Variants in FBXO5 observed in about 807,000 individuals in gnomAD.
FBXO5 encodes F-box only protein 5.
Under a neutral mutation model 43.3 loss-of-function variants are expected in FBXO5, and 8 were observed. The observed-to-expected ratio is 0.18, with a 90% CI of 0.11 to 0.33. The LOEUF is 0.33. FBXO5 is among the 10% of genes least tolerant of loss of function. The pLI is 1.00. For synonymous variants in FBXO5, 204 were observed against 193.7 expected (o/e 1.05, Z -0.44); for missense variants, 491 against 535.7 (o/e 0.92, Z 0.82).
At chr6:152,978,721 C>T (rs1778213633) in intron 1 of FBXO5, among the ~76,000 whole-genome samples, 1 of 152,124 alleles carries the variant, frequency 6.6e-6, no homozygotes, top group Admixed American at 6.5e-5. Context: ...GGTGCAGTGG[C>T]TCATGCCTAT....
chr6:152,982,869 G>C lies in FBXO5; in HGVS notation c.91C>G (p.Arg31Gly), dbSNP rs747570320. 12 of 1,510,290 alleles carry C rather than the reference G, an allele frequency of 7.9e-6. No individual in the cohort carries two copies. The African/African-American group carries it at 8.7e-5, about 11-fold the overall frequency. 93.6% of individuals were successfully genotyped at this position (1,510,290 alleles called of 1,614,324 possible). ...TCCCCTCACTCACTATCCGAGGGTC[G>C]AGGGCGCCCGGCGGCTGTCACTGCG... ...PSAVTAAGRP[R>G]PSDSCKEESS... Residue 31 changes from arginine to glycine, a missense_variant, in exon 1 of 5, where the codon CGA (arginine) becomes GGA (glycine). Physicochemically the swap from Arg to Gly is moderately radical, Grantham distance 125. Transcript: ENST00000229758.
chr6:152,982,873 G>T lies in FBXO5; in HGVS notation c.87C>A (p.Arg29=). The T allele has an allele frequency of 6.6e-7, 1 of 1,511,210 alleles. No homozygotes were observed. Among genetic ancestry groups the T allele is most frequent in the Non-Finnish European group, 8.8e-7 (1 of 1,136,498 alleles). The allele number at this position is 1,511,210 out of a possible 1,614,324, so 93.6% of individuals were successfully genotyped here. A position where few individuals can be genotyped will look rare whatever the true frequency, so the allele number is the denominator to read the frequency against. Reference sequence around the variant, plus strand: ...CTCACTCACTATCCGAGGGTCGAGGGCGCCCGGCGGCTGTCACTGCGCTGG... The same window carrying T: ...CTCACTCACTATCCGAGGGTCGAGGTCGCCCGGCGGCTGTCACTGCGCTGG... ...ASPSAVTAAG[R]PRPSDSCKEE... The change falls in exon 1 of 5, where the codon CGC becomes CGA. Residue 29 remains arginine (R), a synonymous_variant. Transcript: ENST00000229758.
intron 1 of FBXO5, among the ~76,000 whole-genome samples, chr6:152,979,385 C>T (rs1562292519): frequency 2.0e-5 from 3 of 152,214 alleles, no homozygotes; most frequent in South Asian, 2.1e-4. Context: ...AAGTTTTTCT[C>T]AGCCTTAGTC....
At chr6:152,980,450 G>C (rs751466025) in intron 1 of FBXO5, among the ~76,000 whole-genome samples, 6 of 152,172 alleles carry the variant, frequency 3.9e-5, no homozygotes, top group Non-Finnish European at 5.9e-5. Flanking sequence ...GCTGAGTTGG[G>C]GGAGGTTATT....
Position 152,982,950 on chromosome 6 carries a change from G to A in FBXO5, c.10C>T (p.Arg4Cys), listed in dbSNP as rs1353890593. 2.8e-6 allele frequency: 4 copies of A among 1,411,208 alleles called. No homozygotes were observed. The highest frequency in any genetic ancestry group is 3.2e-5 in the Admixed American group (1 of 31,274). The allele number at this position is 1,411,208 out of a possible 1,614,324, so 87.4% of individuals were successfully genotyped here. A position where few individuals can be genotyped will look rare whatever the true frequency, so the allele number is the denominator to read the frequency against. The change falls in exon 1 of 5, where the codon CGC becomes TGC. Residue 4 changes from arginine to cysteine, a missense_variant. Transcript: ENST00000229758. Reference protein sequence around the residue: MSRRPCSCALRPPR... With the variant: MSRCPCSCALRPPR... ...GGCCGTAGGGCGCAGCTGCAGGGGCGCCGGCTCATGCCAGCCGACGTGGAG... is the reference window on the plus strand; with the variant it reads ...GGCCGTAGGGCGCAGCTGCAGGGGCACCGGCTCATGCCAGCCGACGTGGAG...
chr6:152,974,622 T>G (rs1778135947), intron 2 of FBXO5, among the ~76,000 whole-genome samples: 1 of 152,220 alleles, frequency 6.6e-6, no homozygotes, highest in South Asian at 2.1e-4. Flanking sequence ...TGAGCATCTC[T>G]AATCCAAAAA....
At chr6:152,972,602 CAA>C in intron 3 of FBXO5, 148 bp from the exon 4 acceptor site, 1 of 595,214 alleles carries the variant, frequency 1.7e-6, no homozygotes, top group Non-Finnish European at 2.9e-6. Flanking sequence ...CGTACTTAAA[CAA>C]AGCAAAACCT....
intron 1 of FBXO5, among the ~76,000 whole-genome samples, chr6:152,976,565 G>C (rs1778171872): frequency 6.6e-6 from 1 of 152,176 alleles, no homozygotes; most frequent in Non-Finnish European, 1.5e-5. Flanking sequence ...TCAAAAGTAA[G>C]TGTTGGTAAA....
At chr6:152,978,328 C>T (rs988987679) in intron 1 of FBXO5, among the ~76,000 whole-genome samples, 2 of 120,254 alleles carry the variant, frequency 1.7e-5, no homozygotes, top group African/African-American at 6.7e-5. Context: ...TTTCCACTTC[C>T]TTTGCTTATT....
At position 152,975,595 on chromosome 6, in the gene FBXO5, A is replaced by G; in HGVS notation, c.130T>C (p.Ser44Pro). Residue 44 changes from serine to proline, a missense_variant, in exon 2 of 5, where the codon TCT becomes CCT. Transcript: ENST00000229758. ...TTAAAATCACACTTCATTTTGACAG[A>G]AAGGGTAGAACTTTCTTCTTTACAA... ...DSCKEESSTL[S>P]VKMKCDFNCN... 1 of 1,604,766 alleles carries G rather than the reference A, an allele frequency of 6.2e-7. No homozygotes were observed. The highest frequency in any genetic ancestry group is 8.5e-7 in the Non-Finnish European group (1 of 1,177,794).
Position 152,975,551 on chromosome 6 carries a change from G to C in FBXO5, c.174C>G (p.Ser58=), listed in dbSNP as rs756215134. The C allele has an allele frequency of 1.2e-6, 2 of 1,612,316 alleles. No individual in the cohort carries two copies. Among genetic ancestry groups the C allele is most frequent in the Non-Finnish European group, 1.7e-6 (2 of 1,179,604 alleles). Residue 58 remains serine, a synonymous_variant, in exon 2 of 5, where the codon TCC becomes TCG. Coordinates refer to ENST00000229758, the MANE Select transcript of FBXO5 (RefSeq NM_012177.5). The part of the protein sequence containing the change: ...KCDFNCNHVH[S]GLKLVKPDDI... ...CATCAGGTTTTACCAGTTTAAGTCC[G>C]GAATGAACATGGTTACAATTAAAAT...
In FBXO5 at chr6:152,974,900, T is replaced by C. The variant is rs1778139831; in HGVS notation, c.818+7A>G. 6.4e-7 allele frequency: 1 copy of C among 1,574,068 alleles called. No homozygotes were observed. Among genetic ancestry groups the C allele is most frequent in the South Asian group, 1.2e-5 (1 of 83,290 alleles). On this transcript the variant is annotated splice_region_variant and intron_variant, in intron 2 of 4. Transcript: ENST00000229758. Reference sequence around the variant, plus strand: ...ATGCTAATATGTATATTCAAAACAGTACTTACTTGATTAAGTCCATGTCAC... The same window carrying C: ...ATGCTAATATGTATATTCAAAACAGCACTTACTTGATTAAGTCCATGTCAC...
At chr6:152,980,914 A>C (rs1757684523) in intron 1 of FBXO5, among the ~76,000 whole-genome samples, 2 of 152,222 alleles carry the variant, frequency 1.3e-5, no homozygotes, top group Non-Finnish European at 2.9e-5. Context: ...ACTAAATGCA[A>C]GGCAAAGTCC....
chr6:152,980,595 A>G (rs1778245573), intron 1 of FBXO5, among the ~76,000 whole-genome samples: 2 of 152,222 alleles, frequency 1.3e-5, no homozygotes, highest in South Asian at 4.1e-4. Flanking sequence ...GGTAAGTAGA[A>G]GCAGAGAGAA....
At chr6:152,977,697 T>C (rs1393453700) in intron 1 of FBXO5, among the ~76,000 whole-genome samples, 1 of 152,222 alleles carries the variant, frequency 6.6e-6, no homozygotes, top group Non-Finnish European at 1.5e-5. Context: ...GTTTGATTTA[T>C]ATATGACCAC....
At chr6:152,972,884 T>G in intron 3 of FBXO5, 162 bp downstream of exon 3, 2 of 467,536 alleles carry the variant, frequency 4.3e-6, no homozygotes, top group Non-Finnish European at 7.4e-6. Flanking sequence ...AATGTTGAGT[T>G]GAGATTTCTT....
chr6:152,974,164 C>A (rs1778126996), intron 2 of FBXO5, among the ~76,000 whole-genome samples: 1 of 151,794 alleles, frequency 6.6e-6, no homozygotes, highest in Non-Finnish European at 1.5e-5. Flanking sequence ...CAAGATTGCA[C>A]CATTGCGCTC....
chr6:152,982,909 G>A lies in FBXO5; in HGVS notation c.51C>T (p.Cys17=), dbSNP rs531700953. ...SCALRPPRCS[C]SASPSAVTAA... Reference sequence around the variant, plus strand: ...CTGTCACTGCGCTGGGGCTGGCGCTGCAGGAGCAGCGGGGTGGCCGTAGGG... The same window carrying A: ...CTGTCACTGCGCTGGGGCTGGCGCTACAGGAGCAGCGGGGTGGCCGTAGGG... Residue 17 remains cysteine (C), a synonymous_variant, in exon 1 of 5, where the codon TGC becomes TGT. Transcript: ENST00000229758. The A allele has an allele frequency of 1.5e-4, 229 of 1,488,242 alleles. No homozygotes were observed. The highest frequency in any genetic ancestry group is 8.6e-4 in the Admixed American group (39 of 45,420). The allele number at this position is 1,488,242 out of a possible 1,614,324, so 92.2% of individuals were successfully genotyped here.
intron 1 of FBXO5, among the ~76,000 whole-genome samples, chr6:152,981,898 G>A (rs1778266147): frequency 6.6e-6 from 1 of 152,046 alleles, no homozygotes; most frequent in Admixed American, 6.5e-5. Context: ...TTTAGAGGTA[G>A]CAACAAAGAG....
Sources: allele counts gnomAD v4.1 joint callset (sites outside exome capture counted in the v4.1 genomes callset), GRCh38; gene constraint gnomAD v4.1.1; transcripts MANE v1.5; gene names NCBI Gene and HGNC (gene_info 2026-07-23, HGNC 2026-07-21).